Variants in PRKAA2 observed in about 807,000 individuals in gnomAD.
PRKAA2 encodes the protein protein kinase AMP-activated catalytic subunit alpha 2, also known as 5'-AMP-activated protein kinase catalytic subunit alpha-2.
Under a neutral mutation model 56.3 loss-of-function variants are expected in PRKAA2, and 40 were observed. That is an observed-to-expected ratio of 0.71 (90% CI 0.55 to 0.92). The LOEUF is 0.92. PRKAA2 is among the 40% of genes least tolerant of loss of function. PRKAA2 has a pLI of 0.00. For missense variants in PRKAA2, 542 were observed against 686.9 expected (o/e 0.79, Z 2.36); for synonymous variants, 214 against 234.2 (o/e 0.91, Z 0.79).
intron 2 of PRKAA2, among the ~76,000 whole-genome samples, chr1:56,687,307 A>G (rs533431046): frequency 7.2e-5 from 11 of 152,322 alleles, no homozygotes; most frequent in African/African-American, 2.4e-4. Flanking sequence ...AGAATATTAC[A>G]TAGAGCGTGA....
In PRKAA2 at chr1:56,699,369, A is replaced by G. The variant is rs1055206303; in HGVS notation, c.788+3210A>G. ...GAAAAATATAATTTCTGATGCCTGT[A>G]TAATAGCCCATGTGAAGTGAATTGC... On this transcript the variant is annotated intron_variant, in intron 6 of 8. Coordinates refer to ENST00000371244, the MANE Select transcript of PRKAA2 (RefSeq NM_006252.4). 5.3e-5 allele frequency among the ~76,000 whole-genome samples: 8 copies of G among 152,268 alleles called. No homozygotes were observed. The South Asian group carries it at 8.3e-4, about 16-fold the overall frequency.
intron 6 of PRKAA2, among the ~76,000 whole-genome samples, chr1:56,702,375 G>T (rs533413848): frequency 6.6e-6 from 1 of 152,302 alleles, no homozygotes; most frequent in South Asian, 2.1e-4. Flanking sequence ...GAGCCACGGC[G>T]CCCAGCATCA....
chr1:56,704,577 G>T, intron 7 of PRKAA2, 102 bp downstream of exon 7: 1 of 1,339,808 alleles, frequency 7.5e-7, no homozygotes, highest in East Asian at 2.3e-5. Flanking sequence ...ACTTTTTCTA[G>T]TAATATGCTA....
At chr1:56,696,810 C>T (rs765757324) in intron 6 of PRKAA2, among the ~76,000 whole-genome samples, 5 of 152,038 alleles carry the variant, frequency 3.3e-5, no homozygotes, top group Admixed American at 2.0e-4. Flanking sequence ...ATTGCTGATG[C>T]GCCTATGAAT....
chr1:56,673,614 ATG>A (rs1476520966), intron 1 of PRKAA2, among the ~76,000 whole-genome samples: 1 of 152,148 alleles, frequency 6.6e-6, no homozygotes, highest in Non-Finnish European at 1.5e-5. Flanking sequence ...GATGCCATGA[ATG>A]TGTTATATGA....
At chr1:56,656,193 A>G (rs569332377) in intron 1 of PRKAA2, among the ~76,000 whole-genome samples, 3 of 152,322 alleles carry the variant, frequency 2.0e-5, no homozygotes, top group African/African-American at 4.8e-5. Context: ...AGAAGAAAAT[A>G]CCCAGACTGA....
intron 6 of PRKAA2, among the ~76,000 whole-genome samples, chr1:56,703,254 C>A (rs1400193291): frequency 6.6e-6 from 1 of 151,902 alleles, no homozygotes. Context: ...AAAATGTAGG[C>A]TATTATCTAT....
At chr1:56,680,910 C>G (rs140361485) in intron 2 of PRKAA2, among the ~76,000 whole-genome samples, 173 of 152,324 alleles carry the variant, frequency 1.1e-3, no homozygotes, top group African/African-American at 3.7e-3. Flanking sequence ...ATTTCTAGTT[C>G]TAGATCCTTG....
intron 1 of PRKAA2, among the ~76,000 whole-genome samples, chr1:56,670,252 G>T (rs1298839870): frequency 2.0e-5 from 3 of 152,156 alleles, no homozygotes; most frequent in Non-Finnish European, 2.9e-5. Flanking sequence ...ATTCAGCTTT[G>T]AGTGACAGAA....
intron 1 of PRKAA2, among the ~76,000 whole-genome samples, chr1:56,647,116 G>A (rs1646649485): frequency 6.6e-6 from 1 of 152,192 alleles, no homozygotes; most frequent in Non-Finnish European, 1.5e-5. Flanking sequence ...TTGCTGTCCT[G>A]TGAGGGTTAT....
chr1:56,694,082 A>C (rs967486656), intron 5 of PRKAA2, among the ~76,000 whole-genome samples: 3 of 152,220 alleles, frequency 2.0e-5, no homozygotes, highest in African/African-American at 7.2e-5. Context: ...AAATAACTGA[A>C]GTAGATCCTG....
rs1401817700 is a variant in PRKAA2 at position 56,715,237 on chromosome 1, CAT to C, written c.*7526_*7527del. ...ATTAATGTTTGCACCATATGAAACT[CAT>C]AGGTAACAAACACAAAGGAGAAAAG... is the stretch of plus-strand genomic sequence containing the variant. On this transcript the variant is annotated 3_prime_UTR_variant, in exon 9 of 9. Coordinates refer to ENST00000371244, the MANE Select transcript of PRKAA2 (RefSeq NM_006252.4). 1 of 152,152 alleles carries C rather than the reference CAT, an allele frequency of 6.6e-6. No homozygotes were observed. Among genetic ancestry groups the C allele is most frequent in the African/African-American group, 2.4e-5 (1 of 41,456 alleles). The allele number at this position is 152,152 out of a possible 1,614,324, so 9.4% of individuals were successfully genotyped here.
intron 1 of PRKAA2, among the ~76,000 whole-genome samples, chr1:56,661,599 T>A (rs1458826081): frequency 1.3e-5 from 2 of 152,212 alleles, no homozygotes; most frequent in Non-Finnish European, 2.9e-5. Context: ...AGTTTTTACA[T>A]CTTGGTTGTT....
chr1:56,687,444 A>G (rs1216237159), intron 2 of PRKAA2, among the ~76,000 whole-genome samples: 1 of 151,346 alleles, frequency 6.6e-6, no homozygotes, highest in African/African-American at 2.5e-5. Flanking sequence ...TAAACTGTAT[A>G]AAAGAGGTGG....
At chr1:56,661,049 C>T (rs1643989512) in intron 1 of PRKAA2, among the ~76,000 whole-genome samples, 2 of 152,004 alleles carry the variant, frequency 1.3e-5, no homozygotes, top group African/African-American at 4.8e-5. Context: ...AACATATGTG[C>T]ATTACATAAC....
At chr1:56,679,316 TG>T (rs1418387418) in intron 2 of PRKAA2, among the ~76,000 whole-genome samples, 10 of 152,194 alleles carry the variant, frequency 6.6e-5, no homozygotes, top group Admixed American at 6.6e-4. Context: ...CTGGCCCTTT[TG>T]TTTCTCCAGA....
Position 56,710,499 on chromosome 1 carries a change from A to G in PRKAA2, c.*2786A>G, listed in dbSNP as rs893041310. The stretch of plus-strand genomic sequence containing the variant: ...ATAGCCCATGAAAAGCAAATTTGGG[A>G]AATACATTTTTTAGGAAAATACTGT... On this transcript the variant is annotated 3_prime_UTR_variant, in exon 9 of 9. Coordinates refer to ENST00000371244, the MANE Select transcript of PRKAA2 (RefSeq NM_006252.4). 1.2e-4 allele frequency: 18 copies of G among 152,234 alleles called. No individual in the cohort carries two copies. The highest frequency in any genetic ancestry group is 4.3e-4 in the African/African-American group (18 of 41,572). 9.4% of individuals were successfully genotyped at this position (152,234 alleles called of 1,614,324 possible).
Position 56,707,511 on chromosome 1 carries a change from C to A in PRKAA2, c.1457C>A (p.Pro486His). 6.2e-7 allele frequency: 1 copy of A among 1,614,140 alleles called. No homozygotes were observed. The highest frequency in any genetic ancestry group is 2.2e-5 in the East Asian group (1 of 44,862). ...GAGCAGAGATCTGGTTCCTCAACAC[C>A]TCAGCGTTCCTGTTCTGCTGCTGGC... is the stretch of plus-strand genomic sequence containing the variant. ...VVEQRSGSST[P>H]QRSCSAAGLH... Residue 486 changes from proline to histidine, a missense_variant, in exon 9 of 9, where the codon CCT becomes CAT. By Grantham distance (77) the Pro-to-His change is moderately conservative. Around this residue, in one of 5 missense-constraint regions of PRKAA2, gnomAD observed 158 missense variants for 166.1 expected, o/e 0.95. Transcript: ENST00000371244.
intron 2 of PRKAA2, among the ~76,000 whole-genome samples, chr1:56,677,205 C>T (rs1169760345): frequency 1.3e-5 from 2 of 152,154 alleles, no homozygotes; most frequent in Non-Finnish European, 2.9e-5. Flanking sequence ...TAAGCATTGG[C>T]CCAGAGCAGG....
Sources: allele counts gnomAD v4.1 joint callset (sites outside exome capture counted in the v4.1 genomes callset), GRCh38; gene constraint gnomAD v4.1.1; regional missense constraint gnomAD v4.1.1; transcripts MANE v1.5; gene names NCBI Gene and HGNC (gene_info 2026-07-23, HGNC 2026-07-21).